FRK: variants seen among roughly 807,000 people sequenced by gnomAD.
FRK encodes the protein tyrosine-protein kinase FRK.
A neutral mutation model predicts 56.4 loss-of-function variants in FRK; 51 were observed. That is an observed-to-expected ratio of 0.90 (90% confidence interval 0.72 to 1.14). The LOEUF (loss-of-function observed/expected upper bound fraction) is 1.14, where lower values mean the gene tolerates loss of function less well. Ranked by LOEUF, FRK falls within the 50% of genes most tolerant of loss-of-function variation. The pLI, the probability that FRK is intolerant of heterozygous loss-of-function variation, is 0.00. For missense variants in FRK, 570 were observed against 601.4 expected (o/e 0.95, Z 0.55); for synonymous variants, 245 against 217.9 (o/e 1.12, Z -1.10).
At chr6:115,984,248 C>A (rs1037369921) in intron 2 of FRK, among the ~76,000 whole-genome samples, 1 of 152,142 alleles carries the variant, frequency 6.6e-6, no homozygotes, top group South Asian at 2.1e-4. Context: ...TTGTAGAGAC[C>A]ATGTCTTCTT....
the FRK span, among the ~76,000 whole-genome samples, chr6:116,093,253 C>A: frequency 6.6e-6 from 1 of 151,952 alleles, no homozygotes; most frequent in South Asian, 2.1e-4. Context: ...TCCAAGAGAC[C>A]AAAAAAACCC....
chr6:116,085,242 A>C, the FRK span, among the ~76,000 whole-genome samples: 3 of 152,106 alleles, frequency 2.0e-5, no homozygotes, highest in Non-Finnish European at 4.4e-5. Context: ...TTGAGGGATG[A>C]CTAGGATAGG....
At chr6:116,042,975 C>CA (rs555686633) in intron 1 of FRK, among the ~76,000 whole-genome samples, 5 of 150,908 alleles carry the variant, frequency 3.3e-5, no homozygotes, top group African/African-American at 9.7e-5. Flanking sequence ...CAATAAAAAT[C>CA]AAAAAAGACA....
intron 1 of FRK, among the ~76,000 whole-genome samples, chr6:116,012,951 A>G (rs1471592343): frequency 6.6e-6 from 1 of 152,218 alleles, no homozygotes; most frequent in Non-Finnish European, 1.5e-5. Context: ...AAACACAAGC[A>G]TATCAGGGCT....
At chr6:115,983,981 T>C (rs1774301247) in intron 2 of FRK, among the ~76,000 whole-genome samples, 1 of 152,158 alleles carries the variant, frequency 6.6e-6, no homozygotes, top group African/African-American at 2.4e-5. Context: ...GAATGTACTA[T>C]GGTGTTTTCT....
chr6:115,967,789 T>A (rs537622942), intron 3 of FRK, 70 bp from the exon 4 acceptor site: 4 of 1,217,060 alleles, frequency 3.3e-6, no homozygotes, highest in East Asian at 2.6e-5. Context: ...TTGTTGAAAA[T>A]AATAGTCTAG....
chr6:116,074,453 G>A, the FRK span, among the ~76,000 whole-genome samples: 8 of 152,084 alleles, frequency 5.3e-5, no homozygotes, highest in African/African-American at 9.7e-5. Flanking sequence ...TGAAACTAAC[G>A]TAACCAGTTG....
chr6:116,039,892 G>C (rs1281729284), intron 1 of FRK, among the ~76,000 whole-genome samples: 2 of 150,076 alleles, frequency 1.3e-5, no homozygotes, highest in African/African-American at 2.5e-5. Flanking sequence ...CCGCGCCTGT[G>C]TGTGCTGTGT....
intron 2 of FRK, among the ~76,000 whole-genome samples, chr6:115,989,699 G>A (rs182858824): frequency 6.6e-6 from 1 of 151,950 alleles, no homozygotes; most frequent in African/African-American, 2.4e-5. Flanking sequence ...TGACACTTAT[G>A]TTGATACCAC....
chr6:116,031,959 C>T (rs1776317558), intron 1 of FRK, among the ~76,000 whole-genome samples: 3 of 152,082 alleles, frequency 2.0e-5, no homozygotes, highest in Admixed American at 2.0e-4. Flanking sequence ...TTACTTCATT[C>T]TAACAGACTG....
chr6:115,991,817 A>AT (rs910589831), intron 2 of FRK, among the ~76,000 whole-genome samples: 5 of 151,712 alleles, frequency 3.3e-5, no homozygotes, highest in South Asian at 4.1e-4. Flanking sequence ...CTCCTCCTCA[A>AT]TTTTTTTGAA....
intron 1 of FRK, among the ~76,000 whole-genome samples, chr6:116,050,031 C>T (rs1467676452): frequency 6.6e-6 from 1 of 152,146 alleles, no homozygotes; most frequent in Non-Finnish European, 1.5e-5. Context: ...ATGCACACTA[C>T]ATGGCAGACA....
Position 116,001,167 on chromosome 6 carries a change from G to C in FRK, c.466+2710C>G, listed in dbSNP as rs1582699115. The stretch of plus-strand genomic sequence containing the variant: ...GGAGGAGAATTGCTTGAACCCAGAA[G>C]GGAGAGGTTGCAGTGAGCCGACATG... On this transcript the variant is annotated intron_variant, in intron 2 of 7. Coordinates refer to ENST00000606080, the MANE Select transcript of FRK (RefSeq NM_002031.3). Among the ~76,000 whole-genome samples the C allele has an allele frequency of 4.6e-5, 7 of 152,090 alleles. 3 individuals carry two copies. The highest frequency in any genetic ancestry group is 4.6e-4 in the Admixed American group (7 of 15,286).
intron 2 of FRK, among the ~76,000 whole-genome samples, chr6:115,981,327 T>C (rs1774192288): frequency 6.6e-6 from 1 of 152,124 alleles, no homozygotes; most frequent in Non-Finnish European, 1.5e-5. Flanking sequence ...ATTTTTTTTC[T>C]TTTACTGATG....
rs1488494031 is a variant in FRK, at chr6:115,933,696, A to G, written c.*8718T>C. On this transcript the variant is annotated 3_prime_UTR_variant, in exon 8 of 8. Coordinates refer to ENST00000606080, the MANE Select transcript of FRK (RefSeq NM_002031.3). ...TATTGAAATGGGAATATTTCTATTC[A>G]TTTCTATATGTGCGCAAGAAAAATT... is the stretch of plus-strand genomic sequence containing the variant. 6.6e-6 allele frequency: 1 copy of G among 152,220 alleles called. No homozygotes were observed. The highest frequency in any genetic ancestry group is 1.5e-5 in the Non-Finnish European group (1 of 68,022). 9.4% of individuals were successfully genotyped at this position (152,220 alleles called of 1,614,324 possible). A position where few individuals can be genotyped will look rare whatever the true frequency, so the allele number is the denominator to read the frequency against.
At chr6:115,972,156 C>T (rs1029835094) in intron 2 of FRK, among the ~76,000 whole-genome samples, 1 of 152,160 alleles carries the variant, frequency 6.6e-6, no homozygotes, top group Non-Finnish European at 1.5e-5. Flanking sequence ...TATAGGTCTC[C>T]TCTTATCCTC....
intron 1 of FRK, among the ~76,000 whole-genome samples, chr6:116,033,790 T>C (rs1776378931): frequency 6.6e-6 from 1 of 152,126 alleles, no homozygotes; most frequent in South Asian, 2.1e-4. Context: ...ATGGGGTCAC[T>C]CTGCCTGCTG....
Position 116,016,347 on chromosome 6 carries a change from G to C in FRK, c.345-12349C>G, listed in dbSNP as rs986330025. On this transcript the variant is annotated intron_variant, in intron 1 of 7. Transcript: ENST00000606080. ...ACTGTTCCTTATTTGAATGTTCCTA[G>C]CATGAAGAAAAGAGAAATAGTTAAG... 3.9e-5 allele frequency among the ~76,000 whole-genome samples: 6 copies of C among 152,216 alleles called. No individual in the cohort carries two copies. The East Asian group carries it at 1.2e-3, about 29-fold the overall frequency.
chr6:115,958,318 T>C (rs879397062), intron 4 of FRK, among the ~76,000 whole-genome samples: 13 of 150,750 alleles, frequency 8.6e-5, no homozygotes, highest in Non-Finnish European at 1.6e-4. Context: ...ATGATAGCAG[T>C]AATTATGATA....
Sources: allele counts gnomAD v4.1 joint callset (sites outside exome capture counted in the v4.1 genomes callset), GRCh38; gene constraint gnomAD v4.1.1; transcripts MANE v1.5; gene names NCBI Gene and HGNC (gene_info 2026-07-23, HGNC 2026-07-21).